The following NBEA variants were observed in gnomAD, a reference collection of about 807,000 sequenced individuals.
NBEA encodes neurobeachin.
Under a neutral mutation model 343.4 loss-of-function variants are expected in NBEA, and 44 were observed. The ratio of observed to expected loss-of-function variants is 0.13; its 90% CI spans 0.10 to 0.16. The LOEUF (loss-of-function observed/expected upper bound fraction) is 0.16, where lower values mean the gene tolerates loss of function less well. Ranked by LOEUF, NBEA falls within the 10% of genes least tolerant of loss-of-function variation. NBEA has a pLI of 1.00. For missense variants in NBEA, 2,555 were observed against 3,631.3 expected (o/e 0.70, Z 7.62); for synonymous variants, 1,175 against 1,238.7 (o/e 0.95, Z 1.08).
chr13:35,330,108 G>A (rs1214322903), intron 36 of NBEA, among the ~76,000 whole-genome samples: 1 of 151,918 alleles, frequency 6.6e-6, no homozygotes, highest in Non-Finnish European at 1.5e-5. Flanking sequence ...AGCTTTTCCC[G>A]AACAACATAG....
At chr13:35,211,231 C>G in intron 33 of NBEA, 52 bp downstream of exon 33, 1 of 1,436,194 alleles carries the variant, frequency 7.0e-7, no homozygotes, top group South Asian at 1.4e-5. Context: ...TGTAGTGAAA[C>G]AGTACACAAA....
At chr13:35,480,195 T>G (rs759822280) in intron 41 of NBEA, among the ~76,000 whole-genome samples, 1 of 152,150 alleles carries the variant, frequency 6.6e-6, no homozygotes, top group South Asian at 2.1e-4. Flanking sequence ...AAAACAACTT[T>G]GCCTCAAGTA....
In NBEA at chr13:35,588,118, G is replaced by A. The variant is rs557144575; in HGVS notation, c.7176+4080G>A. 3.3e-5 allele frequency among the ~76,000 whole-genome samples: 5 copies of A among 152,182 alleles called. No individual in the cohort carries two copies. The South Asian group carries it at 1.0e-3, about 32-fold the overall frequency. On this transcript the variant is annotated intron_variant, in intron 46 of 58. Coordinates refer to ENST00000379939, the MANE Select transcript of NBEA (RefSeq NM_001385012.1). ...GTACTGAGTCTTTGAAATTCAGAGTGTATTTTATATTTACAGTGCATCTCA... is the reference window on the plus strand; with the variant it reads ...GTACTGAGTCTTTGAAATTCAGAGTATATTTTATATTTACAGTGCATCTCA...
At chr13:35,514,913 A>C (rs533439943) in intron 41 of NBEA, among the ~76,000 whole-genome samples, 1 of 152,300 alleles carries the variant, frequency 6.6e-6, no homozygotes, top group Non-Finnish European at 1.5e-5. Flanking sequence ...CCTTTGCATT[A>C]ACACTGAATT....
chr13:35,237,543 A>T (rs2075293523), intron 34 of NBEA, among the ~76,000 whole-genome samples: 1 of 152,288 alleles, frequency 6.6e-6, no homozygotes, highest in South Asian at 2.1e-4. Flanking sequence ...AGAACTCAGG[A>T]CATTTACATG....
chr13:35,453,400 A>G (rs966679609), intron 40 of NBEA, among the ~76,000 whole-genome samples: 3 of 152,194 alleles, frequency 2.0e-5, no homozygotes, highest in Non-Finnish European at 4.4e-5. Context: ...GTTTGCCTCA[A>G]ATTCTTAAGT....
intron 31 of NBEA, among the ~76,000 whole-genome samples, chr13:35,206,195 A>G (rs1008891064): frequency 3.3e-5 from 5 of 152,036 alleles, no homozygotes; most frequent in Non-Finnish European, 1.5e-5. Context: ...TATTTTTCCT[A>G]ATATAACTTA....
chr13:35,127,260 T>C (rs1278250123), intron 17 of NBEA, among the ~76,000 whole-genome samples: 2 of 152,178 alleles, frequency 1.3e-5, no homozygotes, highest in Admixed American at 6.5e-5. Flanking sequence ...AGCCAAACTA[T>C]CCTTTAAGTA....
At chr13:35,347,589 A>G (rs1384761387) in intron 36 of NBEA, among the ~76,000 whole-genome samples, 2 of 152,098 alleles carry the variant, frequency 1.3e-5, no homozygotes, top group Non-Finnish European at 2.9e-5. Context: ...AGAAGACACA[A>G]AAAGGCCAAA....
chr13:35,598,551 G>C (rs920905675), intron 47 of NBEA, among the ~76,000 whole-genome samples: 5 of 152,180 alleles, frequency 3.3e-5, no homozygotes, highest in African/African-American at 1.2e-4. Context: ...AGTTGGTACA[G>C]CAGCTTTAAA....
intron 38 of NBEA, among the ~76,000 whole-genome samples, chr13:35,384,970 C>A (rs775842064): frequency 6.6e-6 from 1 of 152,140 alleles, no homozygotes; most frequent in African/African-American, 2.4e-5. Flanking sequence ...AAAATATTAT[C>A]TACTTTTTGA....
chr13:35,487,910 C>T (rs1232557238), intron 41 of NBEA, among the ~76,000 whole-genome samples: 7 of 151,842 alleles, frequency 4.6e-5, no homozygotes, highest in Non-Finnish European at 1.0e-4. Flanking sequence ...GAAAGTATTA[C>T]TCCTAGAATG....
intron 22 of NBEA, among the ~76,000 whole-genome samples, chr13:35,160,864 T>C (rs924795221): frequency 6.6e-6 from 1 of 152,182 alleles, no homozygotes; most frequent in South Asian, 2.1e-4. Flanking sequence ...GAAATAAGAA[T>C]ACATTTACCG....
chr13:35,274,227 A>G (rs879533810), intron 34 of NBEA, among the ~76,000 whole-genome samples: 11 of 152,156 alleles, frequency 7.2e-5, no homozygotes, highest in African/African-American at 1.2e-4. Context: ...ATCAATAAAC[A>G]TAATCCATGA....
intron 1 of NBEA, among the ~76,000 whole-genome samples, chr13:35,019,882 G>T (rs1233848309): frequency 6.6e-6 from 1 of 151,960 alleles, no homozygotes; most frequent in Non-Finnish European, 1.5e-5. Flanking sequence ...ATTTATATTG[G>T]TTCTCTTTGC....
chr13:35,652,415 C>T (rs1156557444), intron 53 of NBEA, among the ~76,000 whole-genome samples: 5 of 150,438 alleles, frequency 3.3e-5, no homozygotes, highest in African/African-American at 9.7e-5. Context: ...CCAAGACGGG[C>T]GGATCACGAG....
chr13:35,584,651 C>T (rs2081209532), intron 46 of NBEA, among the ~76,000 whole-genome samples: 2 of 151,960 alleles, frequency 1.3e-5, no homozygotes, highest in Admixed American at 1.3e-4. Flanking sequence ...AGATGCCCAC[C>T]ACCACGCCCA....
chr13:35,198,951 C>G (rs1279739423), intron 31 of NBEA, among the ~76,000 whole-genome samples: 2 of 151,960 alleles, frequency 1.3e-5, no homozygotes, highest in Admixed American at 6.6e-5. Context: ...CTGCATACAA[C>G]TTAGTTTCAT....
chr13:35,115,295 T>A (rs1169679869), intron 13 of NBEA, among the ~76,000 whole-genome samples: 4 of 152,016 alleles, frequency 2.6e-5, no homozygotes, highest in Non-Finnish European at 4.4e-5. Context: ...CACAAAGTGG[T>A]ATAATTACAT....
Sources: gnomAD v4.1 joint callset for allele counts (sites outside exome capture counted in the v4.1 genomes callset) on GRCh38, gnomAD v4.1.1 for gene constraint, MANE v1.5 for transcripts, NCBI Gene and HGNC (gene_info 2026-07-23, HGNC 2026-07-21) for gene names.